Variants in KITLG observed in about 807,000 individuals in gnomAD.
KITLG encodes the protein KIT ligand, also known as c-Kit ligand.
Under a neutral mutation model 34.1 loss-of-function variants are expected in KITLG, and 13 were observed. The observed-to-expected ratio is 0.38, with a 90% confidence interval of 0.25 to 0.61. KITLG has a LOEUF of 0.61. KITLG is among the 20% of genes least tolerant of loss of function. The pLI is 0.60. For synonymous variants in KITLG, 110 were observed against 104.0 expected (o/e 1.06, Z -0.35); for missense variants, 292 against 318.9 (o/e 0.92, Z 0.64).
At chr12:88,504,106 A>G (rs1868960398) in intron 9 of KITLG, among the ~76,000 whole-genome samples, 1 of 152,160 alleles carries the variant, frequency 6.6e-6, no homozygotes, top group Admixed American at 6.6e-5. Context: ...GTAAACATAC[A>G]ACTGTTAATT....
In KITLG at chr12:88,546,928, C is replaced by A. The variant is rs116561427; in HGVS notation, c.16-1063G>T. On this transcript the variant is annotated intron_variant, in intron 1 of 9. Transcript: ENST00000644744. ...AATCAATTAACCTTAAGGGGGAGAA[C>A]CAGTTGCAGGAAGACAGTGCCAAGA... 6.8e-3 allele frequency among the ~76,000 whole-genome samples: 1,039 copies of A among 152,162 alleles called. 11 individuals are homozygous for A. The highest frequency in any genetic ancestry group is 0.024 in the African/African-American group (1,001 of 41,520).
intron 3 of KITLG, among the ~76,000 whole-genome samples, chr12:88,520,640 T>C (rs1869623056): frequency 6.6e-6 from 1 of 152,180 alleles, no homozygotes; most frequent in Non-Finnish European, 1.5e-5. Flanking sequence ...TTAGTTTCTG[T>C]GGTAGTTGTC....
In KITLG at chr12:88,525,042, T is replaced by C. The variant is rs137871122; in HGVS notation, c.193-6175A>G. On this transcript the variant is annotated intron_variant, in intron 3 of 9. Transcript: ENST00000644744. ...CCAACCAGAACGTTCCTCCCCAAAATTGGTATTGATCATTAGAAACTGATA... is the reference window on the plus strand; with the variant it reads ...CCAACCAGAACGTTCCTCCCCAAAACTGGTATTGATCATTAGAAACTGATA... 4.9e-3 allele frequency among the ~76,000 whole-genome samples: 745 copies of C among 152,250 alleles called. 7 individuals are homozygous for C. The highest frequency in any genetic ancestry group is 0.017 in the African/African-American group (710 of 41,550).
intron 3 of KITLG, among the ~76,000 whole-genome samples, chr12:88,521,909 CAT>C (rs901362621): frequency 3.3e-5 from 5 of 152,032 alleles, no homozygotes; most frequent in African/African-American, 1.2e-4. Context: ...GTACTTATAA[CAT>C]GTTATTATTC....
At chr12:88,504,376 T>G (rs760242106) in intron 9 of KITLG, among the ~76,000 whole-genome samples, 1 of 152,156 alleles carries the variant, frequency 6.6e-6, no homozygotes. Flanking sequence ...GACAAAGGAC[T>G]AATATCCAGA....
rs1047167562 is a variant in KITLG at position 88,497,097 on chromosome 12, T to C, written c.*122A>G. ...TAAAGTCATGGGTAGCAAGAACAGA[T>C]AAAGATGTGGTCTGTCACTCCAGAC... On this transcript the variant is annotated 3_prime_UTR_variant, in exon 10 of 10. Coordinates refer to ENST00000644744, the MANE Select transcript of KITLG (RefSeq NM_000899.5). The C allele has an allele frequency of 2.3e-6, 1 of 433,490 alleles. No individual in the cohort carries two copies. 26.9% of individuals were successfully genotyped at this position (433,490 alleles called of 1,614,324 possible). A position where few individuals can be genotyped will look rare whatever the true frequency, so the allele number is the denominator to read the frequency against.
At chr12:88,560,659 T>A (rs571180022) in intron 1 of KITLG, among the ~76,000 whole-genome samples, 16 of 152,154 alleles carry the variant, frequency 1.1e-4, no homozygotes, top group Admixed American at 9.2e-4. Flanking sequence ...CACTAATATA[T>A]CCAAAACAGC....
chr12:88,529,178 A>T (rs1156437671), intron 3 of KITLG, among the ~76,000 whole-genome samples: 1 of 152,190 alleles, frequency 6.6e-6, no homozygotes, highest in Non-Finnish European at 1.5e-5. Flanking sequence ...AAAAATGAAG[A>T]TTTTTAAACT....
chr12:88,510,657 A>C (rs1869242423), intron 6 of KITLG, among the ~76,000 whole-genome samples: 1 of 152,214 alleles, frequency 6.6e-6, no homozygotes, highest in Admixed American at 6.5e-5. Context: ...AAAGGATATT[A>C]CTGTTATGCT....
chr12:88,499,692 G>A (rs1868779550), intron 9 of KITLG, among the ~76,000 whole-genome samples: 1 of 152,086 alleles, frequency 6.6e-6, no homozygotes, highest in Non-Finnish European at 1.5e-5. Flanking sequence ...CCGCACTCTG[G>A]TAAGTCCCAT....
chr12:88,522,487 G>A (rs1327446027), intron 3 of KITLG, among the ~76,000 whole-genome samples: 1 of 149,856 alleles, frequency 6.7e-6, no homozygotes, highest in Non-Finnish European at 1.5e-5. Flanking sequence ...GAGTGCAATG[G>A]CGTGGTCTCA....
intron 1 of KITLG, among the ~76,000 whole-genome samples, chr12:88,570,524 A>G (rs1376851662): frequency 1.4e-5 from 1 of 71,636 alleles, no homozygotes; most frequent in Non-Finnish European, 4.6e-5. Context: ...ATTAGAAAAA[A>G]CAACAACAAC....
At chr12:88,512,009 C>G (rs1383886931) in intron 6 of KITLG, among the ~76,000 whole-genome samples, 1 of 152,072 alleles carries the variant, frequency 6.6e-6, no homozygotes. Flanking sequence ...ATATATTAAA[C>G]AATCACTAAC....
chr12:88,566,968 G>A (rs1009038871), intron 1 of KITLG, among the ~76,000 whole-genome samples: 3 of 152,154 alleles, frequency 2.0e-5, no homozygotes, highest in Admixed American at 1.3e-4. Flanking sequence ...GTAAGTTCTT[G>A]TTCTGACTTT....
At chr12:88,572,163 G>C (rs1168584063) in intron 1 of KITLG, among the ~76,000 whole-genome samples, 1 of 152,090 alleles carries the variant, frequency 6.6e-6, no homozygotes, top group Admixed American at 6.6e-5. Context: ...CATTATGTGT[G>C]ACATTTGTAC....
At chr12:88,575,518 A>G (rs1305757112) in intron 1 of KITLG, among the ~76,000 whole-genome samples, 1 of 152,222 alleles carries the variant, frequency 6.6e-6, no homozygotes, top group African/African-American at 2.4e-5. Flanking sequence ...TATACCCATA[A>G]TTAAGTGAAA....
In KITLG at chr12:88,545,943, T is replaced by C. The variant is rs1051505466; in HGVS notation, c.16-78A>G. On this transcript the variant is annotated intron_variant, in intron 1 of 9. Transcript: ENST00000644744. ...ATTCAAACTTTTAACATCTAATGCC[T>C]TGATGCACAAAAAGACCAGTCTAAT... 6.1e-5 allele frequency: 51 copies of C among 835,398 alleles called. No homozygotes were observed. The African/African-American group carries it at 8.3e-4, about 14-fold the overall frequency. The allele number at this position is 835,398 out of a possible 1,614,324, so 51.7% of individuals were successfully genotyped here. A position where few individuals can be genotyped will look rare whatever the true frequency, so the allele number is the denominator to read the frequency against.
chr12:88,557,769 G>A (rs1871146619), intron 1 of KITLG, among the ~76,000 whole-genome samples: 1 of 152,152 alleles, frequency 6.6e-6, no homozygotes, highest in Admixed American at 6.5e-5. Flanking sequence ...ATTCATGAAA[G>A]TTCTGAAATC....
chr12:88,537,138 C>T (rs1870349878), intron 2 of KITLG, among the ~76,000 whole-genome samples: 1 of 151,994 alleles, frequency 6.6e-6, no homozygotes, highest in South Asian at 2.1e-4. Context: ...GGTGTATATC[C>T]AAAATAAGTC....
Sources: allele counts gnomAD v4.1 joint callset (sites outside exome capture counted in the v4.1 genomes callset), GRCh38; gene constraint gnomAD v4.1.1; transcripts MANE v1.5; gene names NCBI Gene and HGNC (gene_info 2026-07-23, HGNC 2026-07-21).